CTH: variants seen among roughly 807,000 people sequenced by gnomAD.
The protein encoded by CTH is cystathionase (cystathionine gamma-lyase).
A neutral mutation model predicts 50.6 loss-of-function variants in CTH; 41 were observed. The observed-to-expected ratio is 0.81, with a 90% CI of 0.63 to 1.05. CTH has a LOEUF of 1.05. Among genes scored for constraint, CTH ranks in the 50% least tolerant of loss-of-function variants. The pLI, the probability that CTH is intolerant of heterozygous loss-of-function variation, is 0.00. For synonymous variants in CTH, 156 were observed against 168.9 expected (o/e 0.92, Z 0.59); for missense variants, 470 against 492.6 (o/e 0.95, Z 0.43).
intron 7 of CTH, 138 bp from the exon 8 acceptor site, chr1:70,431,945 A>G: frequency 2.4e-6 from 2 of 823,038 alleles, no homozygotes; most frequent in Non-Finnish European, 4.1e-6. Context: ...CTGATTTGAT[A>G]TATTATTTTC....
intron 3 of CTH, among the ~76,000 whole-genome samples, chr1:70,418,630 C>T (rs1466299347): frequency 1.3e-5 from 2 of 152,172 alleles, no homozygotes; most frequent in Non-Finnish European, 2.9e-5. Context: ...ATATTCTGCT[C>T]TAGAGAAGAT....
intron 1 of CTH, among the ~76,000 whole-genome samples, chr1:70,413,407 G>T (rs1014173086): frequency 6.6e-6 from 1 of 151,640 alleles, no homozygotes; most frequent in Non-Finnish European, 1.5e-5. Context: ...GGGATTACAG[G>T]CGCCTGCCAC....
intron 8 of CTH, 74 bp from the exon 9 acceptor site, chr1:70,433,754 A>G (rs746269391): frequency 4.3e-5 from 69 of 1,600,068 alleles, no homozygotes; most frequent in Non-Finnish European, 5.5e-5. Context: ...TAGACAGTGA[A>G]AAATACCACC....
chr1:70,425,401 G>A (rs761507658), intron 5 of CTH, among the ~76,000 whole-genome samples: 4 of 152,152 alleles, frequency 2.6e-5, no homozygotes, highest in African/African-American at 7.2e-5. Flanking sequence ...ATTCAGTACC[G>A]GTGAGGGCCC....
chr1:70,421,515 G>A (rs1209201422), intron 3 of CTH, 51 bp from the exon 4 acceptor site: 1 of 1,572,156 alleles, frequency 6.4e-7, no homozygotes, highest in Middle Eastern at 1.7e-4. Context: ...AGGAATGAAT[G>A]TTTCTTAATG....
In CTH at chr1:70,424,398, T is replaced by C. The variant is rs762568682; in HGVS notation, c.570T>C (p.Phe190=). Residue 190 remains phenylalanine (F), a synonymous_variant, in exon 5 of 12, where the codon TTT becomes TTC. Transcript: ENST00000370938. ...GDIILVVDNT[F]MSPYFQRPLA... ...TTATTTTGGTCGTGGATAACACTTT[T>C]ATGTCACCATATTTCCAGGTAAATG... 5 of 1,614,036 alleles carry C rather than the reference T, an allele frequency of 3.1e-6. No homozygotes were observed. The highest frequency in any genetic ancestry group is 2.2e-5 in the South Asian group (2 of 91,088).
intron 9 of CTH, chr1:70,434,915 G>A (rs1684563593): frequency 1.0e-5 from 4 of 383,790 alleles, no homozygotes; most frequent in Non-Finnish European, 2.0e-5. Context: ...ACCATGCTCA[G>A]CTAATTTTTG....
chr1:70,430,095 T>C (rs557912679), intron 6 of CTH, among the ~76,000 whole-genome samples: 2 of 152,310 alleles, frequency 1.3e-5, no homozygotes, highest in African/African-American at 4.8e-5. Context: ...TGCTGACACC[T>C]TAAAGAAACA....
intron 8 of CTH, 54 bp downstream of exon 8, chr1:70,432,289 A>G: frequency 6.3e-7 from 1 of 1,594,140 alleles, no homozygotes; most frequent in Non-Finnish European, 8.6e-7. Context: ...AGTTATCCTG[A>G]GCATCGTGTT....
chr1:70,415,871 G>A, intron 1 of CTH, 85 bp from the exon 2 acceptor site: 1 of 785,640 alleles, frequency 1.3e-6, no homozygotes, highest in Non-Finnish European at 2.3e-6. Context: ...ACTAATTATG[G>A]TAGGGTGAAA....
At chr1:70,413,739 C>CTTTTT (rs765540452) in intron 1 of CTH, among the ~76,000 whole-genome samples, 3 of 118,208 alleles carry the variant, frequency 2.5e-5, no homozygotes, top group African/African-American at 6.5e-5. Flanking sequence ...TGCTTAATAT[C>CTTTTT]TTTTTTTTTT....
At chr1:70,423,224 CTA>C (rs1457955247) in intron 4 of CTH, among the ~76,000 whole-genome samples, 1 of 151,670 alleles carries the variant, frequency 6.6e-6, no homozygotes, top group Non-Finnish European at 1.5e-5. Flanking sequence ...GAGTAAAACT[CTA>C]AAGTCAGAAG....
At position 70,439,237 on chromosome 1, in the gene CTH, G is replaced by C. The variant is rs991710777; in HGVS notation, c.*110G>C. On this transcript the variant is annotated 3_prime_UTR_variant, in exon 12 of 12. Coordinates refer to ENST00000370938, the MANE Select transcript of CTH (RefSeq NM_001902.6). ...AAAATTTTCAAGCGGAAATTTTAAGGCACCTCATTATCTTTCATAACTGTA... is the reference window on the plus strand; with the variant it reads ...AAAATTTTCAAGCGGAAATTTTAAGCCACCTCATTATCTTTCATAACTGTA... 23 of 974,830 alleles carry C rather than the reference G, an allele frequency of 2.4e-5. No homozygotes were observed. The highest frequency in any genetic ancestry group is 5.3e-5 in the Admixed American group (3 of 57,128). The allele number at this position is 974,830 out of a possible 1,614,324, so 60.4% of individuals were successfully genotyped here.
At chr1:70,420,969 T>C (rs1399179044) in intron 3 of CTH, among the ~76,000 whole-genome samples, 1 of 152,148 alleles carries the variant, frequency 6.6e-6, no homozygotes, top group Non-Finnish European at 1.5e-5. Context: ...TCAATATCAA[T>C]TTTTTCTTTA....
In CTH at chr1:70,439,109, A is replaced by T. The variant is rs768154993; in HGVS notation, c.1200A>T (p.Pro400=). The change falls in exon 12 of 12, where the codon CCA becomes CCT. Residue 400 remains proline (P), a synonymous_variant. Transcript: ENST00000370938. ...GTGCACTGTTATTATAGCACCCTCC[A>T]AGTGGAAGTCACAGCTAGTATTCCA... is the stretch of plus-strand genomic sequence containing the variant. ...LDQALKAAHP[P]SGSHS is the part of the protein sequence containing the mutation. 1.9e-6 allele frequency: 3 copies of T among 1,612,434 alleles called. No individual in the cohort carries two copies. Among genetic ancestry groups the T allele is most frequent in the Non-Finnish European group, 2.5e-6 (3 of 1,178,464 alleles).
At chr1:70,421,943 C>T (rs1684233426) in intron 4 of CTH, among the ~76,000 whole-genome samples, 1 of 152,072 alleles carries the variant, frequency 6.6e-6, no homozygotes, top group Non-Finnish European at 1.5e-5. Context: ...GTCTCAGTTT[C>T]TTCATTTGCA....
intron 9 of CTH, among the ~76,000 whole-genome samples, chr1:70,434,341 G>T (rs1303832923): frequency 6.6e-6 from 1 of 152,140 alleles, no homozygotes; most frequent in Non-Finnish European, 1.5e-5. Context: ...CATCTGACTG[G>T]GGTGAGGCCT....
At chr1:70,422,290 C>T (rs182496118) in intron 4 of CTH, among the ~76,000 whole-genome samples, 223 of 152,174 alleles carry the variant, frequency 1.5e-3, no homozygotes, top group African/African-American at 5.3e-3. Context: ...TGTATGCCAC[C>T]GGAAGGTGTT....
At chr1:70,411,867 G>T (rs1447727510) in intron 1 of CTH, among the ~76,000 whole-genome samples, 1 of 152,062 alleles carries the variant, frequency 6.6e-6, no homozygotes, top group African/African-American at 2.4e-5. Context: ...AAAAATCGAA[G>T]GTCATAACTT....
Sources: gnomAD v4.1 joint callset for allele counts (sites outside exome capture counted in the v4.1 genomes callset) on GRCh38, gnomAD v4.1.1 for gene constraint, MANE v1.5 for transcripts, NCBI Gene and HGNC (gene_info 2026-07-23, HGNC 2026-07-21) for gene names.